The following PRKAR2A variants were observed in gnomAD, a reference collection of about 807,000 sequenced individuals.
PRKAR2A encodes the protein cAMP-dependent protein kinase type II-alpha regulatory subunit.
A neutral mutation model predicts 51.9 loss-of-function variants in PRKAR2A; 29 were observed. That is an observed-to-expected ratio of 0.56 (90% confidence interval 0.42 to 0.76). PRKAR2A has a LOEUF of 0.76. Ranked by LOEUF, PRKAR2A falls within the 30% of genes least tolerant of loss-of-function variation. The pLI, the probability that PRKAR2A is intolerant of heterozygous loss-of-function variation, is 0.00. For synonymous variants in PRKAR2A, 178 were observed against 186.2 expected (o/e 0.96, Z 0.36); for missense variants, 445 against 512.1 (o/e 0.87, Z 1.26).
At chr3:48,761,997 G>A (rs993860461) in intron 8 of PRKAR2A, among the ~76,000 whole-genome samples, 2 of 152,168 alleles carry the variant, frequency 1.3e-5, no homozygotes, top group African/African-American at 4.8e-5. Flanking sequence ...AGTAAACTTA[G>A]GAGAACATAT....
chr3:48,806,255 A>G (rs1445963045), intron 2 of PRKAR2A, among the ~76,000 whole-genome samples: 2 of 152,234 alleles, frequency 1.3e-5, no homozygotes, highest in Admixed American at 6.5e-5. Context: ...TCCTAGCCCT[A>G]TAATAGGCCA....
At chr3:48,761,541 T>G (rs1257027183) in intron 8 of PRKAR2A, among the ~76,000 whole-genome samples, 4 of 152,182 alleles carry the variant, frequency 2.6e-5, no homozygotes, top group Non-Finnish European at 5.9e-5. Context: ...GAAACAACAT[T>G]TTAGATATAC....
chr3:48,765,341 C>T lies in PRKAR2A; in HGVS notation c.705G>A (p.Val235=). Residue 235 remains valine (V), a synonymous_variant, in exon 7 of 11, where the codon GTG becomes GTA. Coordinates refer to ENST00000265563, the MANE Select transcript of PRKAR2A (RefSeq NM_004157.4). The part of the protein sequence containing the change: ...SEGSLWGLDR[V]TFRRIIVKNN... ...TTTTCACTATGATTCTTCTAAAAGT[C>T]ACCCGGTCCTACAAGAAAGAATATG... 1.9e-6 allele frequency: 3 copies of T among 1,602,476 alleles called. No homozygotes were observed. The highest frequency in any genetic ancestry group is 1.1e-5 in the South Asian group (1 of 89,224).
chr3:48,764,793 T>A (rs1312366325), intron 8 of PRKAR2A, among the ~76,000 whole-genome samples: 3 of 152,068 alleles, frequency 2.0e-5, no homozygotes, highest in East Asian at 3.9e-4. Flanking sequence ...CCCAGCTAAT[T>A]TTTGTATTTT....
At chr3:48,824,156 G>A (rs987544621) in intron 1 of PRKAR2A, among the ~76,000 whole-genome samples, 21 of 152,110 alleles carry the variant, frequency 1.4e-4, no homozygotes, top group Non-Finnish European at 2.1e-4. Context: ...CAGGAGAATC[G>A]CTTGAACCTG....
In PRKAR2A at chr3:48,837,863, T is replaced by C. The variant is rs147176813; in HGVS notation, c.262+9472A>G. Among the ~76,000 whole-genome samples the C allele has an allele frequency of 6.2e-3, 942 of 151,018 alleles. 14 individuals are homozygous for C. Among genetic ancestry groups the C allele is most frequent in the African/African-American group, 0.022 (899 of 41,140 alleles). ...CAACATGGATGAACCTTGAGTACAT[T>C]ATGCTAAGTGCCAGCGGCAAAAGAC... On this transcript the variant is annotated intron_variant, in intron 1 of 10. Coordinates refer to ENST00000265563, the MANE Select transcript of PRKAR2A (RefSeq NM_004157.4).
chr3:48,831,507 T>C (rs2083187661), intron 1 of PRKAR2A, among the ~76,000 whole-genome samples: 2 of 152,064 alleles, frequency 1.3e-5, no homozygotes, highest in South Asian at 2.1e-4. Flanking sequence ...GCTACAACTA[T>C]AGGCGTGCAT....
chr3:48,753,522 G>GTCTGTTTCATCTGAGCCAACTT (rs1322858097), intron 9 of PRKAR2A, among the ~76,000 whole-genome samples: 1 of 152,074 alleles, frequency 6.6e-6, no homozygotes, highest in African/African-American at 2.4e-5. Flanking sequence ...TCTGAAGTTG[G>GTCTGTTTCATCTGAGCCAACTT]TCTGTTTCAT....
Position 48,847,840 on chromosome 3 carries a change from G to A in PRKAR2A, c.-244C>T. ...CGCCGCCGCGGGGACCGACGGGCAG[G>A]CGAGCTGGACGGGCGGGGCAGGCGT... is the stretch of plus-strand genomic sequence containing the variant. On this transcript the variant is annotated 5_prime_UTR_variant, in exon 1 of 11. Coordinates refer to ENST00000265563, the MANE Select transcript of PRKAR2A (RefSeq NM_004157.4). This position sits in a 1 kb window ranked among gnomAD's most constrained non-coding sequence, Gnocchi z 4.4. 1 of 367,656 alleles carries A rather than the reference G, an allele frequency of 2.7e-6. No homozygotes were observed. The highest frequency in any genetic ancestry group is 2.1e-5 in the African/African-American group (1 of 47,424). The allele number at this position is 367,656 out of a possible 1,614,324, so 22.8% of individuals were successfully genotyped here.
rs1167764221 is a variant in PRKAR2A, at chr3:48,776,364, G to A, written c.543-3256C>T. On this transcript the variant is annotated intron_variant, in intron 5 of 10. Transcript: ENST00000265563. ...GATAATCAAAGATACTGCAAAAGAT[G>A]TAATTGCCAGGATTTCACCAGGTAA... Among the ~76,000 whole-genome samples the A allele has an allele frequency of 7.2e-5, 11 of 152,008 alleles. No individual in the cohort carries two copies. The East Asian group carries it at 1.9e-3, about 27-fold the overall frequency.
chr3:48,844,547 T>C (rs1391045823), intron 1 of PRKAR2A, among the ~76,000 whole-genome samples: 2 of 151,534 alleles, frequency 1.3e-5, no homozygotes, highest in African/African-American at 4.9e-5. Context: ...CGTATGTTTA[T>C]TGCAGCACTA....
At chr3:48,808,349 C>A (rs2082712100) in intron 1 of PRKAR2A, among the ~76,000 whole-genome samples, 1 of 151,790 alleles carries the variant, frequency 6.6e-6, no homozygotes, top group Admixed American at 6.6e-5. Context: ...CGCCTCCCGG[C>A]TTCATGCCAT....
chr3:48,842,662 T>C (rs911693268), intron 1 of PRKAR2A, among the ~76,000 whole-genome samples: 15 of 152,176 alleles, frequency 9.9e-5, no homozygotes, highest in East Asian at 1.9e-4. Context: ...TCTGCATCTA[T>C]TGAGATAATC....
chr3:48,820,188 G>A (rs895171377), intron 1 of PRKAR2A, among the ~76,000 whole-genome samples: 5 of 152,178 alleles, frequency 3.3e-5, no homozygotes, highest in African/African-American at 1.2e-4. Context: ...AACTGCTTTA[G>A]GCACTGTGGA....
At chr3:48,846,813 A>T (rs1255343902) in intron 1 of PRKAR2A, among the ~76,000 whole-genome samples, 2 of 152,244 alleles carry the variant, frequency 1.3e-5, no homozygotes, top group Non-Finnish European at 1.5e-5. Flanking sequence ...CGGCAAAGAA[A>T]GAAAAAAGGT....
chr3:48,776,971 T>TA (rs1175787575), intron 5 of PRKAR2A, among the ~76,000 whole-genome samples: 1 of 152,208 alleles, frequency 6.6e-6, no homozygotes, highest in Non-Finnish European at 1.5e-5. Flanking sequence ...CGACTCCATT[T>TA]TTGATGTTTG....
chr3:48,752,993 C>T (rs765099233), intron 9 of PRKAR2A, among the ~76,000 whole-genome samples: 5 of 125,510 alleles, frequency 4.0e-5, no homozygotes, highest in East Asian at 4.8e-4. Context: ...AGTGCAGTGG[C>T]GCAATATCCG....
chr3:48,783,457 G>C (rs894329853), intron 4 of PRKAR2A, among the ~76,000 whole-genome samples: 3 of 152,212 alleles, frequency 2.0e-5, no homozygotes, highest in Admixed American at 1.3e-4. Context: ...TCCTACAGCT[G>C]TTGACCTTAA....
At chr3:48,843,151 G>A (rs1052592408) in intron 1 of PRKAR2A, among the ~76,000 whole-genome samples, 36 of 152,040 alleles carry the variant, frequency 2.4e-4, no homozygotes, top group Non-Finnish European at 4.4e-4. Context: ...GGGAGAGTGT[G>A]TCGAGGAATT....
Sources: gnomAD v4.1 joint callset for allele counts (sites outside exome capture counted in the v4.1 genomes callset) on GRCh38, gnomAD v4.1.1 for gene constraint, Gnocchi (gnomAD v3.1) non-coding constraint, MANE v1.5 for transcripts, NCBI Gene and HGNC (gene_info 2026-07-23, HGNC 2026-07-21) for gene names.